The following LRRC28 variants were observed in gnomAD, a reference collection of about 807,000 sequenced individuals.
LRRC28 encodes the protein leucine rich repeat containing 28.
LRRC28 carries 39 observed loss-of-function variants against 45.7 expected under a neutral mutation model. The observed-to-expected ratio is 0.85, with a 90% CI of 0.66 to 1.12. The LOEUF is 1.12. Among genes scored for constraint, LRRC28 ranks in the 50% most tolerant of loss-of-function variants. The probability of loss-of-function intolerance (pLI) is 0.00; values close to 1 mark genes in which losing one functional copy is unlikely to be tolerated. For synonymous variants in LRRC28, 206 were observed against 178.8 expected, an observed-to-expected ratio of 1.15 and a Z score of -1.22; for missense variants, 435 against 438.5, an observed-to-expected ratio of 0.99 and a Z score of 0.07.
chr15:99,359,859 A>G (rs1210624498), intron 7 of LRRC28, among the ~76,000 whole-genome samples: 1 of 152,204 alleles, frequency 6.6e-6, no homozygotes. Flanking sequence ...TTGCTTTAGG[A>G]ACTAACAGAG....
At chr15:99,361,601 A>G in intron 8 of LRRC28, 90 bp downstream of exon 8, 1 of 1,321,494 alleles carries the variant, frequency 7.6e-7, no homozygotes, top group South Asian at 1.6e-5. Flanking sequence ...TCTTTAAAAA[A>G]AAAATTATTG....
chr15:99,367,334 G>C (rs538902639), intron 9 of LRRC28, among the ~76,000 whole-genome samples: 31 of 152,292 alleles, frequency 2.0e-4, no homozygotes, highest in African/African-American at 7.0e-4. Context: ...AGGTTTATTT[G>C]GCTCATGCTT....
At chr15:99,259,758 T>C in intron 2 of LRRC28, 1 of 1,391,684 alleles carries the variant, frequency 7.2e-7, no homozygotes, top group Non-Finnish European at 1.0e-6. Flanking sequence ...GATCTTGCTG[T>C]GGTTTTGTTT....
chr15:99,271,008 T>A (rs1406957982), intron 2 of LRRC28, among the ~76,000 whole-genome samples: 1 of 152,226 alleles, frequency 6.6e-6, no homozygotes, highest in Non-Finnish European at 1.5e-5. Context: ...TGCATTTCCC[T>A]AATGCTAATG....
intron 3 of LRRC28, among the ~76,000 whole-genome samples, chr15:99,284,416 CTAAAA>C (rs1018624407): frequency 1.3e-5 from 2 of 152,122 alleles, no homozygotes; most frequent in Admixed American, 1.3e-4. Flanking sequence ...AGAACAGAAA[CTAAAA>C]TAATACAGTT....
chr15:99,315,680 G>T (rs1162308926), intron 5 of LRRC28, among the ~76,000 whole-genome samples: 1 of 152,174 alleles, frequency 6.6e-6, no homozygotes, highest in Non-Finnish European at 1.5e-5. Context: ...AGGCCATATA[G>T]AAAGGTTTGA....
chr15:99,381,405 A>G (rs531164137), intron 9 of LRRC28, among the ~76,000 whole-genome samples: 9 of 152,036 alleles, frequency 5.9e-5, no homozygotes, highest in African/African-American at 1.2e-4. Flanking sequence ...GGACTTCTCT[A>G]TATTGGTTAT....
At chr15:99,340,904 G>C (rs574825655) in intron 6 of LRRC28, among the ~76,000 whole-genome samples, 1 of 152,050 alleles carries the variant, frequency 6.6e-6, no homozygotes, top group Non-Finnish European at 1.5e-5. Context: ...GAATTAGTCA[G>C]TTAACAAAAA....
At chr15:99,356,417 T>C (rs1957048786) in intron 7 of LRRC28, among the ~76,000 whole-genome samples, 1 of 151,888 alleles carries the variant, frequency 6.6e-6, no homozygotes, top group Non-Finnish European at 1.5e-5. Flanking sequence ...ATTAACTTGA[T>C]GGACTTCATG....
intron 5 of LRRC28, among the ~76,000 whole-genome samples, chr15:99,333,410 T>A (rs544701782): frequency 6.6e-6 from 1 of 152,248 alleles, no homozygotes; most frequent in Non-Finnish European, 1.5e-5. Flanking sequence ...TTACAATCTT[T>A]ACCATGGTGA....
chr15:99,310,776 A>G lies in LRRC28; in HGVS notation c.385+22825A>G, dbSNP rs916858654. ...ATCCTTCCATTTCTTCAAGTCATAC[A>G]TGGTGGCCTGCCAACACTATACTCT... On this transcript the variant is annotated intron_variant, in intron 5 of 9. Transcript: ENST00000301981. Among the ~76,000 whole-genome samples the G allele has an allele frequency of 2.0e-5, 3 of 152,214 alleles. No homozygotes were observed. The East Asian group carries it at 5.8e-4, about 29-fold the overall frequency.
chr15:99,336,971 C>G (rs766364690), intron 6 of LRRC28, among the ~76,000 whole-genome samples: 6 of 152,250 alleles, frequency 3.9e-5, no homozygotes, highest in Non-Finnish European at 7.3e-5. Context: ...GTTCTCTTGT[C>G]TGATACTCAC....
At position 99,287,881 on chromosome 15, in the gene LRRC28, A is replaced by G. The variant is rs1374805923; in HGVS notation, c.315A>G (p.Pro105=). 3 of 1,613,888 alleles carry G rather than the reference A, an allele frequency of 1.9e-6. No homozygotes were observed. The highest frequency in any genetic ancestry group is 2.2e-5 in the East Asian group (1 of 44,818). Residue 105 remains proline (P), a synonymous_variant, in exon 5 of 10, where the codon CCA becomes CCG. Coordinates refer to ENST00000301981, the MANE Select transcript of LRRC28 (RefSeq NM_144598.5). ...LSDNALEIVC[P]EIGRLRALRH... ...ACAATGCCTTAGAAATTGTTTGCCC[A>G]GAAATTGGTCGTCTGAGAGCTTTAC...
Position 99,387,128 on chromosome 15 carries a change from T to G in LRRC28, c.*1026T>G, listed in dbSNP as rs1485539528. ...CAGGCTGGAGTGCAGTGGCGGGATC[T>G]CGGCTCACTGCAAGCTCCGCCTCCC... On this transcript the variant is annotated 3_prime_UTR_variant, in exon 10 of 10. Transcript: ENST00000301981. 6.6e-6 allele frequency: 1 copy of G among 150,776 alleles called. No individual in the cohort carries two copies. The highest frequency in any genetic ancestry group is 3.4e-3 in the Middle Eastern group (1 of 294). The allele number at this position is 150,776 out of a possible 1,614,324, so 9.3% of individuals were successfully genotyped here. A position where few individuals can be genotyped will look rare whatever the true frequency, so the allele number is the denominator to read the frequency against.
At chr15:99,258,942 C>A in intron 2 of LRRC28, 1 of 733,740 alleles carries the variant, frequency 1.4e-6, no homozygotes, top group South Asian at 1.4e-5. Flanking sequence ...GGTGGTCTGT[C>A]TTTGAATGTT....
intron 2 of LRRC28, chr15:99,258,824 A>G (rs2081105196): frequency 5.7e-6 from 4 of 698,634 alleles, no homozygotes; most frequent in African/African-American, 1.7e-5. Flanking sequence ...ATATGGATCT[A>G]AAAAGAGCGA....
intron 6 of LRRC28, among the ~76,000 whole-genome samples, chr15:99,350,192 C>G (rs1345721729): frequency 6.6e-6 from 1 of 151,722 alleles, no homozygotes; most frequent in Non-Finnish European, 1.5e-5. Flanking sequence ...GTCAAGATAC[C>G]TTTTCTTACC....
intron 6 of LRRC28, among the ~76,000 whole-genome samples, chr15:99,337,513 T>C (rs1019160518): frequency 8.5e-5 from 13 of 152,066 alleles, no homozygotes; most frequent in Non-Finnish European, 1.0e-4. Flanking sequence ...GAGGTGGGCA[T>C]CTCTTCTTTG....
At chr15:99,343,405 C>T (rs576093512) in intron 6 of LRRC28, among the ~76,000 whole-genome samples, 5 of 152,272 alleles carry the variant, frequency 3.3e-5, no homozygotes, top group South Asian at 2.1e-4. Flanking sequence ...CCATTTTCAG[C>T]CATGTGGACT....
Sources: gnomAD v4.1 joint callset for allele counts (sites outside exome capture counted in the v4.1 genomes callset) on GRCh38, gnomAD v4.1.1 for gene constraint, MANE v1.5 for transcripts, NCBI Gene and HGNC (gene_info 2026-07-23, HGNC 2026-07-21) for gene names.